The following SHMT2 variants were observed in gnomAD, a reference collection of about 807,000 sequenced individuals.
SHMT2 encodes serine hydroxymethyltransferase, mitochondrial.
In SHMT2, 38 loss-of-function variants were observed where a neutral mutation model predicts 59.6. That is an observed-to-expected ratio of 0.64 (90% CI 0.49 to 0.84). The LOEUF (loss-of-function observed/expected upper bound fraction) is 0.84. Ranked by LOEUF, SHMT2 falls within the 40% of genes least tolerant of loss-of-function variation. The pLI is 0.00. For synonymous variants in SHMT2, 254 were observed against 258.1 expected (o/e 0.98, Z 0.15); for missense variants, 533 against 659.5 (o/e 0.81, Z 2.10).
intron 1 of SHMT2, chr12:57,230,088 G>C: frequency 7.3e-7 from 1 of 1,369,654 alleles, no homozygotes; most frequent in Non-Finnish European, 9.4e-7. Flanking sequence ...GATGCCCCGC[G>C]GACCCGGTGC....
intron 4 of SHMT2, 84 bp downstream of exon 4, chr12:57,231,997 C>T (rs1333768637): frequency 8.4e-6 from 12 of 1,427,174 alleles, no homozygotes; most frequent in Non-Finnish European, 1.2e-5. Flanking sequence ...TACTGTGGAC[C>T]ATACAGATGG....
At chr12:57,230,510 G>A (rs2037269065) in intron 1 of SHMT2, 1 of 1,284,190 alleles carries the variant, frequency 7.8e-7, no homozygotes, top group Admixed American at 3.6e-5. Flanking sequence ...TGGAGTTGGG[G>A]AGACATAGGC....
At position 57,231,957 on chromosome 12, in the gene SHMT2, G is replaced by T. The variant is rs748626571; in HGVS notation, c.512+44G>T. ...GCTGATGGTCTTGGCGGCAGGATTG[G>T]TGTGGGAAAGGAGTTATTTATTGAA... On this transcript the variant is annotated intron_variant, in intron 4 of 11. Transcript: ENST00000328923. 1.2e-5 allele frequency: 19 copies of T among 1,559,860 alleles called. 1 individual carries two copies. The South Asian group carries it at 2.2e-4, about 18-fold the overall frequency.
At position 57,233,352 on chromosome 12, in the gene SHMT2, G is replaced by T; in HGVS notation, c.1023+7G>T. Reference sequence around the variant, plus strand: ...AGCTGTGGCCCTAAAGCAGGTTGGGGATCCTGTCTTTGTAGGGTGTGGGGG... The same window carrying T: ...AGCTGTGGCCCTAAAGCAGGTTGGGTATCCTGTCTTTGTAGGGTGTGGGGG... On this transcript the variant is annotated splice_region_variant and intron_variant, in intron 8 of 11. Transcript: ENST00000328923. 2 of 1,589,220 alleles carry T rather than the reference G, an allele frequency of 1.3e-6. No individual in the cohort carries two copies. The highest frequency in any genetic ancestry group is 1.1e-5 in the South Asian group (1 of 88,864).
Position 57,231,910 on chromosome 12 carries a change from G to T in SHMT2, c.509G>T (p.Gly170Val). The part of the protein sequence containing the change: ...RIMGLDLPDG[G>V]HLTHGYMSDV... Reference sequence around the variant, plus strand: ...ATGGGGCTGGACCTGCCCGATGGGGGCCAGTGAGTATGGATGGGCTGGCTG... The same window carrying T: ...ATGGGGCTGGACCTGCCCGATGGGGTCCAGTGAGTATGGATGGGCTGGCTG... The change falls in exon 4 of 12, where the codon GGC becomes GTC. Residue 170 changes from glycine (G) to valine (V), a missense_variant. By Grantham distance (109) the Gly-to-Val change is moderately radical. Transcript: ENST00000328923. 5.6e-6 allele frequency: 9 copies of T among 1,606,320 alleles called. No individual in the cohort carries two copies. The highest frequency in any genetic ancestry group is 7.7e-6 in the Non-Finnish European group (9 of 1,176,196).
intron 6 of SHMT2, 54 bp from the exon 7 acceptor site, chr12:57,232,650 G>T (rs891986656): frequency 6.2e-7 from 1 of 1,609,908 alleles, no homozygotes; most frequent in Admixed American, 1.7e-5. Context: ...GCAGCCTTGG[G>T]CAGGCCTCTC....
In SHMT2 at chr12:57,232,688, C is replaced by T. The variant is rs1378980503; in HGVS notation, c.718-16C>T. On this transcript the variant is annotated splice_polypyrimidine_tract_variant and intron_variant, in intron 6 of 11. Coordinates refer to ENST00000328923, the MANE Select transcript of SHMT2 (RefSeq NM_005412.6). ...GGCCCTCCCCAGGCTGAGGCCTTGC[C>T]TCTGTACCTGCCCAGGTGTGTGATG... 5.0e-6 allele frequency: 8 copies of T among 1,606,894 alleles called. No individual in the cohort carries two copies. Among genetic ancestry groups the T allele is most frequent in the Non-Finnish European group, 6.8e-6 (8 of 1,174,460 alleles).
rs891807785 is a variant in SHMT2, at chr12:57,232,803, A to G, written c.817A>G (p.Ile273Val). The change falls in exon 7 of 12, where the codon ATC becomes GTC. Residue 273 changes from isoleucine (I) to valine (V), a missense_variant. Physicochemically the swap from Ile to Val is conservative, Grantham distance 29 (BLOSUM62 3). Transcript: ENST00000328923. ...TCCCTCGCCTTTCAAGCACGCGGAC[A>G]TCGTCACCACCACTACTCACAAGAC... ...VIPSPFKHAD[I>V]VTTTTHKTLR... The G allele has an allele frequency of 1.9e-6, 3 of 1,613,442 alleles. No homozygotes were observed. Among genetic ancestry groups the G allele is most frequent in the Admixed American group, 3.3e-5 (2 of 59,994 alleles).
chr12:57,231,946 C>A, intron 4 of SHMT2, 33 bp downstream of exon 4: 1 of 1,576,708 alleles, frequency 6.3e-7, no homozygotes, highest in Non-Finnish European at 8.6e-7. Flanking sequence ...ATGGTCTTGG[C>A]GGCAGGATTG....
Position 57,230,802 on chromosome 12 carries a change from G to C in SHMT2, c.34-1G>C. 6.2e-7 allele frequency: 1 copy of C among 1,613,984 alleles called. No individual in the cohort carries two copies. Among genetic ancestry groups the C allele is most frequent in the Non-Finnish European group, 8.5e-7 (1 of 1,179,944 alleles). Reference sequence around the variant, plus strand: ...TTCACCCTGACTTTTCCTGCCTTCAGCCTCTGCAGAGATGTGGGCAGCTGG... The same window carrying C: ...TTCACCCTGACTTTTCCTGCCTTCACCCTCTGCAGAGATGTGGGCAGCTGG... On this transcript the variant is annotated splice_acceptor_variant, in intron 1 of 11. Coordinates refer to ENST00000328923, the MANE Select transcript of SHMT2 (RefSeq NM_005412.6). LOFTEE classifies it high-confidence loss of function.
intron 1 of SHMT2, chr12:57,230,583 C>T (rs769505939): frequency 7.5e-5 from 106 of 1,408,484 alleles, no homozygotes; most frequent in Admixed American, 1.8e-4. Context: ...TTCTGAGGTG[C>T]GGTGCGGTGA....
At chr12:57,230,340 A>G (rs2037262235) in intron 1 of SHMT2, 1 of 1,139,606 alleles carries the variant, frequency 8.8e-7, no homozygotes, top group Admixed American at 4.6e-5. Context: ...GGACTGCTAA[A>G]GGTCTCCCCT....
chr12:57,232,068 G>T, intron 4 of SHMT2, 143 bp from the exon 5 acceptor site: 1 of 1,126,272 alleles, frequency 8.9e-7, no homozygotes, highest in Non-Finnish European at 1.3e-6. Flanking sequence ...CCCAGTTATA[G>T]TGCCTACCAC....
chr12:57,234,471 C>CA lies in SHMT2; in HGVS notation c.*111dup. The stretch of plus-strand genomic sequence containing the variant: ...TTTTGGTGCGGGAGGGAAGACCTCT[C>CA]ACTTAGGGCAAGAGCCAGGTATAGT... On this transcript the variant is annotated 3_prime_UTR_variant, in exon 12 of 12. Coordinates refer to ENST00000328923, the MANE Select transcript of SHMT2 (RefSeq NM_005412.6). The CA allele has an allele frequency of 2.4e-6, 3 of 1,226,520 alleles. No individual in the cohort carries two copies. Among genetic ancestry groups the CA allele is most frequent in the Non-Finnish European group, 3.3e-6 (3 of 900,304 alleles). The allele number at this position is 1,226,520 out of a possible 1,614,324, so 76.0% of individuals were successfully genotyped here.
intron 8 of SHMT2, 53 bp from the exon 9 acceptor site, chr12:57,233,510 T>A: frequency 1.3e-6 from 2 of 1,566,834 alleles, no homozygotes; most frequent in Admixed American, 3.5e-5. Context: ...CAGAGGGTAG[T>A]GCAGGGCTTG....
At chr12:57,230,111 G>A in intron 1 of SHMT2, 3 of 1,341,202 alleles carry the variant, frequency 2.2e-6, no homozygotes, top group Non-Finnish European at 1.9e-6. Flanking sequence ...GCAAATGAGC[G>A]GAGTTTTCGG....
intron 1 of SHMT2, chr12:57,230,191 CTT>C: frequency 3.1e-6 from 4 of 1,287,242 alleles, no homozygotes; most frequent in Middle Eastern, 2.1e-4. Flanking sequence ...AGCTTCACTG[CTT>C]GCATCAGGCA....
intron 2 of SHMT2, 122 bp downstream of exon 2, chr12:57,231,122 C>T (rs981082448): frequency 1.0e-6 from 1 of 969,532 alleles, no homozygotes; most frequent in Non-Finnish European, 1.6e-6. Flanking sequence ...TGGGCTTTAT[C>T]TTCCTTTCTT....
chr12:57,234,856 G>C lies in SHMT2; in HGVS notation c.*495G>C, dbSNP rs1223913575. On this transcript the variant is annotated 3_prime_UTR_variant, in exon 12 of 12. Coordinates refer to ENST00000328923, the MANE Select transcript of SHMT2 (RefSeq NM_005412.6). Reference sequence around the variant, plus strand: ...CCCGGGGCTGCAGCCTCCTCTTTCTGTCTCTGATCAGAGCCGACACCAGAC... The same window carrying C: ...CCCGGGGCTGCAGCCTCCTCTTTCTCTCTCTGATCAGAGCCGACACCAGAC... 6.4e-6 allele frequency: 1 copy of C among 157,128 alleles called. No homozygotes were observed. Among genetic ancestry groups the C allele is most frequent in the Non-Finnish European group, 1.4e-5 (1 of 71,174 alleles). The allele number at this position is 157,128 out of a possible 1,614,324, so 9.7% of individuals were successfully genotyped here.
Sources: gnomAD v4.1 joint callset for allele counts on GRCh38, gnomAD v4.1.1 for gene constraint, MANE v1.5 for transcripts, NCBI Gene and HGNC (gene_info 2026-07-23, HGNC 2026-07-21) for gene names.